ARHGEF37: variants seen among roughly 807,000 people sequenced by gnomAD.
ARHGEF37 encodes the protein Rho guanine nucleotide exchange factor (GEF) 37.
Under a neutral mutation model 71.1 loss-of-function variants are expected in ARHGEF37, and 55 were observed. The observed-to-expected ratio is 0.77, with a 90% confidence interval of 0.62 to 0.97. The LOEUF (loss-of-function observed/expected upper bound fraction) is 0.97, where lower values mean the gene tolerates loss of function less well. ARHGEF37 is among the 50% of genes least tolerant of loss of function. The probability of loss-of-function intolerance (pLI) is 0.00; values close to 1 mark genes in which losing one functional copy is unlikely to be tolerated. For missense variants in ARHGEF37, 765 were observed against 836.8 expected (o/e 0.91, Z 1.06); for synonymous variants, 327 against 350.6 (o/e 0.93, Z 0.75).
rs1049531957 is a variant in ARHGEF37, at chr5:149,633,218, C to T, written c.*1027C>T. 12 of 152,258 alleles carry T rather than the reference C, an allele frequency of 7.9e-5. No homozygotes were observed. The highest frequency in any genetic ancestry group is 6.5e-5 in the Admixed American group (1 of 15,284). The allele number at this position is 152,258 out of a possible 1,614,324, so 9.4% of individuals were successfully genotyped here. ...ACTCACAGGGTTGTGCTGAGAATGACGTGGGGCTAAGCATGCAGAGCTCCC... is the reference window on the plus strand; with the variant it reads ...ACTCACAGGGTTGTGCTGAGAATGATGTGGGGCTAAGCATGCAGAGCTCCC... On this transcript the variant is annotated 3_prime_UTR_variant, in exon 13 of 13. Transcript: ENST00000333677.
rs770060041 is a variant in ARHGEF37 at position 149,623,997 on chromosome 5, T to A, written c.1336-15T>A. On this transcript the variant is annotated splice_polypyrimidine_tract_variant and intron_variant, in intron 9 of 12. Transcript: ENST00000333677. ...CTCTTGCCCAGCTCTGTTGACAGTG[T>A]CTGTCCCCACTTAGCTGCCCCACCA... 1 of 1,587,286 alleles carries A rather than the reference T, an allele frequency of 6.3e-7. No homozygotes were observed. The highest frequency in any genetic ancestry group is 8.6e-7 in the Non-Finnish European group (1 of 1,159,606).
rs1189711437 is a variant in ARHGEF37 at position 149,625,904 on chromosome 5, G to A, written c.1465-1172G>A. On this transcript the variant is annotated intron_variant, in intron 10 of 12. Transcript: ENST00000333677. ...AAGCCCTCCTTGGGGGCCCTCCCAGGGGTGACGCTGTTCTCTGCATAGGGA... is the reference window on the plus strand; with the variant it reads ...AAGCCCTCCTTGGGGGCCCTCCCAGAGGTGACGCTGTTCTCTGCATAGGGA... 2.0e-5 allele frequency among the ~76,000 whole-genome samples: 3 copies of A among 152,296 alleles called. No individual in the cohort carries two copies. In the South Asian group the frequency reaches 6.2e-4, roughly 32 times the overall value.
In ARHGEF37 at chr5:149,624,092, C is replaced by T; in HGVS notation, c.1416C>T (p.Arg472=). The part of the protein sequence containing the change: ...DALGRTSNQL[R]SFQETFEKVQ... ...TGGGCCGGACGAGTAACCAGCTTCG[C>T]TCCTTTCAAGAGACCTTTGAGAAAG... The change falls in exon 10 of 13, where the codon CGC becomes CGT. Residue 472 remains arginine (R), a synonymous_variant. Coordinates refer to ENST00000333677, the MANE Select transcript of ARHGEF37 (RefSeq NM_001001669.3). The T allele has an allele frequency of 1.2e-6, 2 of 1,612,160 alleles. No homozygotes were observed. Among genetic ancestry groups the T allele is most frequent in the Non-Finnish European group, 1.7e-6 (2 of 1,178,354 alleles).
At chr5:149,629,312 T>C (rs1205851802) in intron 12 of ARHGEF37, among the ~76,000 whole-genome samples, 1 of 152,240 alleles carries the variant, frequency 6.6e-6, no homozygotes, top group Admixed American at 6.5e-5. Context: ...TCATGGTCTT[T>C]GCTTTCCTCA....
At chr5:149,601,265 G>A (rs79642987) in intron 3 of ARHGEF37, 34 bp downstream of exon 3, 81,008 of 1,599,294 alleles carry the variant, frequency 0.051, 2,379 homozygotes, top group Non-Finnish European at 0.057. Flanking sequence ...GTCAGCCTTA[G>A]ATTCTCATGG....
rs551082835 is a variant in ARHGEF37 at position 149,618,884 on chromosome 5, G to A, written c.790-54G>A. The A allele has an allele frequency of 7.4e-5, 106 of 1,425,672 alleles. No homozygotes were observed. The South Asian group carries it at 8.6e-4, about 12-fold the overall frequency. The allele number at this position is 1,425,672 out of a possible 1,614,324, so 88.3% of individuals were successfully genotyped here. On this transcript the variant is annotated intron_variant, in intron 6 of 12. Transcript: ENST00000333677. ...AGTGAGGACCTGGAACACTGAAGCCGGTGTACACTGCCCCCATGTGGATAT... is the reference window on the plus strand; with the variant it reads ...AGTGAGGACCTGGAACACTGAAGCCAGTGTACACTGCCCCCATGTGGATAT...
chr5:149,606,853 A>C (rs1442721278), intron 3 of ARHGEF37: 1 of 152,080 alleles, frequency 6.6e-6, no homozygotes, highest in East Asian at 1.9e-4. Context: ...CACTCCACTT[A>C]CTTTAAGACC....
intron 1 of ARHGEF37, among the ~76,000 whole-genome samples, chr5:149,560,262 T>C (rs1447529500): frequency 1.3e-5 from 2 of 152,100 alleles, no homozygotes; most frequent in East Asian, 1.9e-4. Flanking sequence ...ATTATAAGCA[T>C]GCGCCACCAC....
chr5:149,627,097 C>T lies in ARHGEF37; in HGVS notation c.1486C>T (p.Arg496Cys), dbSNP rs767741283. Residue 496 changes from arginine to cysteine, a missense_variant, in exon 11 of 13, where the codon CGC becomes TGC. Arg to Cys is a radical substitution (Grantham distance 180, BLOSUM62 -3). Around this residue, in one of 5 missense-constraint regions of ARHGEF37, gnomAD observed 390 missense variants for 407.4 expected, o/e 0.96. Transcript: ENST00000333677. ...TTQPLLPGSE[R>C]QVQALLSRYG... ...CCAGCCGCTCCTTCCAGGGTCTGAA[C>T]GCCAGGTGCAGGCTCTCCTGAGCAG... 154 of 1,613,372 alleles carry T rather than the reference C, an allele frequency of 9.5e-5. 2 individuals carry two copies. In the South Asian group the frequency reaches 1.2e-3, roughly 13 times the overall value.
At chr5:149,595,043 T>C (rs973459172) in intron 1 of ARHGEF37, among the ~76,000 whole-genome samples, 1 of 152,294 alleles carries the variant, frequency 6.6e-6, no homozygotes, top group South Asian at 2.1e-4. Flanking sequence ...GGAGAACAGG[T>C]TTGTGGTTGC....
chr5:149,628,573 T>C (rs779966848), intron 11 of ARHGEF37, among the ~76,000 whole-genome samples: 17 of 152,148 alleles, frequency 1.1e-4, no homozygotes, highest in Admixed American at 3.9e-4. Context: ...CTATCATAGC[T>C]GATCAAAGGG....
chr5:149,629,453 G>A (rs1752808606), intron 12 of ARHGEF37, among the ~76,000 whole-genome samples: 1 of 152,220 alleles, frequency 6.6e-6, no homozygotes, highest in South Asian at 2.1e-4. Flanking sequence ...GTTTTGCTGA[G>A]AAGAGTGGTG....
At chr5:149,621,476 A>G (rs1467561328) in intron 8 of ARHGEF37, among the ~76,000 whole-genome samples, 3 of 152,094 alleles carry the variant, frequency 2.0e-5, no homozygotes, top group Admixed American at 6.5e-5. Context: ...GTCTTTGCAT[A>G]ATAATGATTC....
At chr5:149,576,785 A>G (rs1436769444), upstream of ARHGEF37, among the ~76,000 whole-genome samples, 2 of 152,076 alleles carry the variant, frequency 1.3e-5, no homozygotes, top group African/African-American at 4.8e-5. Flanking sequence ...GTGAAAACCC[A>G]TCTCTACTAA....
intron 11 of ARHGEF37, 147 bp downstream of exon 11, chr5:149,627,418 G>A (rs1022541669): frequency 1.2e-6 from 1 of 868,388 alleles, no homozygotes; most frequent in African/African-American, 1.7e-5. Flanking sequence ...ACAGGGCTCA[G>A]GGCACAGTCA....
At chr5:149,558,024 A>C (rs1319267310) in intron 1 of ARHGEF37, among the ~76,000 whole-genome samples, 12 of 151,768 alleles carry the variant, frequency 7.9e-5, no homozygotes, top group Non-Finnish European at 1.2e-4. Flanking sequence ...TGCCACCACG[A>C]CTGGCTAATT....
intron 1 of ARHGEF37, among the ~76,000 whole-genome samples, chr5:149,585,684 AT>A (rs11351729): frequency 0.53 from 79,982 of 151,534 alleles, 21,647 homozygotes; most frequent in Admixed American, 0.64. Flanking sequence ...CGCCCAGCTA[AT>A]TTTTTGTATT....
Position 149,632,425 on chromosome 5 carries a change from C to A in ARHGEF37, c.*234C>A. On this transcript the variant is annotated 3_prime_UTR_variant, in exon 13 of 13. Coordinates refer to ENST00000333677, the MANE Select transcript of ARHGEF37 (RefSeq NM_001001669.3). ...GCTCATTATGTCTGCATAAAGAACT[C>A]ATTCCGACCTGGGGTCACAATGCAC... 1.8e-6 allele frequency: 1 copy of A among 549,780 alleles called. No individual in the cohort carries two copies. Among genetic ancestry groups the A allele is most frequent in the Non-Finnish European group, 3.3e-6 (1 of 306,392 alleles). 34.1% of individuals were successfully genotyped at this position (549,780 alleles called of 1,614,324 possible).
chr5:149,589,728 G>C (rs1381875308), intron 1 of ARHGEF37, among the ~76,000 whole-genome samples: 2 of 152,046 alleles, frequency 1.3e-5, no homozygotes, highest in Non-Finnish European at 2.9e-5. Context: ...TTGAACTCCT[G>C]ACCTCAGGTG....
Sources: gnomAD v4.1 joint callset for allele counts (sites outside exome capture counted in the v4.1 genomes callset) on GRCh38, gnomAD v4.1.1 for gene constraint, gnomAD v4.1.1 regional missense constraint, MANE v1.5 for transcripts, NCBI Gene and HGNC (gene_info 2026-07-23, HGNC 2026-07-21) for gene names.